RASAL2: variants seen among roughly 807,000 people sequenced by gnomAD.
RASAL2 encodes RAS protein activator like 2, also known as ras GTPase-activating protein nGAP.
In RASAL2, 58 loss-of-function variants were observed where a neutral mutation model predicts 128.9. The observed-to-expected ratio is 0.45, with a 90% CI of 0.36 to 0.56. The LOEUF is 0.56. RASAL2 is among the 20% of genes least tolerant of loss of function. The pLI, the probability that RASAL2 is intolerant of heterozygous loss-of-function variation, is 0.00. For missense variants in RASAL2, 1,360 were observed against 1,601.6 expected (o/e 0.85, Z 2.57); for synonymous variants, 561 against 580.8 (o/e 0.97, Z 0.49).
At chr1:178,382,510 A>G (rs192982764) in intron 3 of RASAL2, among the ~76,000 whole-genome samples, 3 of 152,258 alleles carry the variant, frequency 2.0e-5, no homozygotes, top group East Asian at 3.9e-4. Context: ...CATGGAGAAC[A>G]GGATAGAATG....
At chr1:178,283,752 C>T in intron 2 of RASAL2, 61 bp downstream of exon 2, 1 of 1,585,862 alleles carries the variant, frequency 6.3e-7, no homozygotes. Context: ...CTGAAATTAC[C>T]TAGTTTTTGT....
chr1:178,401,783 A>G (rs2102658435), intron 4 of RASAL2, among the ~76,000 whole-genome samples: 1 of 152,330 alleles, frequency 6.6e-6, no homozygotes, highest in East Asian at 1.9e-4. Flanking sequence ...GCAGTCAGTG[A>G]GACTGTTACT....
At chr1:178,432,522 A>ATG (rs1339420829) in intron 5 of RASAL2, among the ~76,000 whole-genome samples, 1 of 152,054 alleles carries the variant, frequency 6.6e-6, no homozygotes, top group Non-Finnish European at 1.5e-5. Context: ...CTCAATATGT[A>ATG]TGTTCTGTTT....
At chr1:178,114,318 T>A (rs1218501374) in intron 1 of RASAL2, among the ~76,000 whole-genome samples, 1 of 152,140 alleles carries the variant, frequency 6.6e-6, no homozygotes, top group Non-Finnish European at 1.5e-5. Context: ...GCCTTAGGTT[T>A]TTTTGTTGTT....
intron 3 of RASAL2, among the ~76,000 whole-genome samples, chr1:178,328,163 A>G (rs768597828): frequency 1.2e-4 from 19 of 152,214 alleles, no homozygotes; most frequent in Non-Finnish European, 2.1e-4. Flanking sequence ...TTTCTGCTAT[A>G]CAGACTATCT....
chr1:178,351,932 G>A (rs546779377), intron 3 of RASAL2, among the ~76,000 whole-genome samples: 2 of 152,192 alleles, frequency 1.3e-5, no homozygotes, highest in Non-Finnish European at 2.9e-5. Context: ...TACTCTTTGA[G>A]GCTGAAGCAA....
At chr1:178,422,877 GT>G (rs1317463543) in intron 5 of RASAL2, among the ~76,000 whole-genome samples, 2 of 151,808 alleles carry the variant, frequency 1.3e-5, no homozygotes, top group African/African-American at 4.8e-5. Flanking sequence ...ATTTGTCTTT[GT>G]TTTGGAGGGG....
chr1:178,105,006 G>A (rs1412921293), intron 1 of RASAL2, among the ~76,000 whole-genome samples: 2 of 152,172 alleles, frequency 1.3e-5, no homozygotes, highest in African/African-American at 4.8e-5. Context: ...GCTAGAAGGA[G>A]TTGACATTCA....
chr1:178,310,952 A>T (rs1668217124), intron 3 of RASAL2, among the ~76,000 whole-genome samples: 1 of 152,150 alleles, frequency 6.6e-6, no homozygotes, highest in Non-Finnish European at 1.5e-5. Flanking sequence ...ATGGGTGCCC[A>T]AGAAGACCAG....
intron 1 of RASAL2, among the ~76,000 whole-genome samples, chr1:178,265,177 A>T (rs1373021493): frequency 1.6e-4 from 25 of 152,214 alleles, no homozygotes; most frequent in Non-Finnish European, 2.9e-5. Context: ...TAGTGTTTTC[A>T]TATAACTCAC....
intron 1 of RASAL2, among the ~76,000 whole-genome samples, chr1:178,139,184 A>G (rs1048047947): frequency 1.6e-4 from 25 of 152,130 alleles, no homozygotes; most frequent in East Asian, 9.7e-4. Flanking sequence ...AAAAATATCT[A>G]GTGGATCTCA....
intron 1 of RASAL2, among the ~76,000 whole-genome samples, chr1:178,191,305 T>G (rs753336496): frequency 5.3e-5 from 8 of 151,876 alleles, no homozygotes; most frequent in Non-Finnish European, 1.0e-4. Context: ...CAGTATGTTG[T>G]GAGCCAATAA....
rs760229700 is a variant in RASAL2, at chr1:178,344,309, A to G, written c.457+44191A>G. ...TTCTTTGCTGTTGCAATTTCTTTCT[A>G]CCTCTTGGGCATAATTCTATGTTAT... On this transcript the variant is annotated intron_variant, in intron 3 of 17. Transcript: ENST00000367649. 3.0e-4 allele frequency among the ~76,000 whole-genome samples: 46 copies of G among 152,292 alleles called. 2 individuals carry two copies. The highest frequency in any genetic ancestry group is 6.0e-4 in the Non-Finnish European group (41 of 68,010).
chr1:178,439,214 G>A (rs1369243976), intron 5 of RASAL2, among the ~76,000 whole-genome samples: 1 of 151,970 alleles, frequency 6.6e-6, no homozygotes, highest in Non-Finnish European at 1.5e-5. Context: ...AAAAAAGTGT[G>A]TGTGCACTCA....
chr1:178,473,177 C>G lies in RASAL2; in HGVS notation c.3781C>G (p.Pro1261Ala), dbSNP rs1648436099. The change falls in exon 18 of 18, where the codon CCC (proline) becomes GCC (alanine). Residue 1261 changes from proline (P) to alanine (A), a missense_variant. By Grantham distance (27) the Pro-to-Ala change is conservative. Coordinates refer to ENST00000367649, the MANE Select transcript of RASAL2 (RefSeq NM_170692.4). ...YSMQVRNGIS[P>A]TNPTKLSITE... ...CATGCAGGTCCGCAATGGCATCTCC[C>G]CCACCAACCCCACCAAGCTTTCCAT... 5 of 1,614,086 alleles carry G rather than the reference C, an allele frequency of 3.1e-6. No individual in the cohort carries two copies. The African/African-American group carries it at 5.3e-5, about 17-fold the overall frequency.
intron 1 of RASAL2, among the ~76,000 whole-genome samples, chr1:178,137,365 C>T (rs944880320): frequency 2.6e-5 from 4 of 152,138 alleles, no homozygotes; most frequent in African/African-American, 9.7e-5. Context: ...TTATATTTTC[C>T]TCTGTCCTCT....
chr1:178,335,210 C>G (rs776831781), intron 3 of RASAL2, among the ~76,000 whole-genome samples: 4 of 151,240 alleles, frequency 2.6e-5, no homozygotes, highest in Non-Finnish European at 4.4e-5. Context: ...ATAATCAGGA[C>G]CATAATTTTC....
chr1:178,430,805 A>C (rs1195542222), intron 5 of RASAL2, among the ~76,000 whole-genome samples: 1 of 151,834 alleles, frequency 6.6e-6, no homozygotes, highest in African/African-American at 2.4e-5. Flanking sequence ...TTTTGGCTTC[A>C]GTTTGAGTGT....
intron 3 of RASAL2, among the ~76,000 whole-genome samples, chr1:178,385,042 C>T (rs1326795908): frequency 2.0e-5 from 3 of 152,158 alleles, no homozygotes; most frequent in East Asian, 1.9e-4. Flanking sequence ...AAGATATTTT[C>T]GGAGTCTTTT....
Sources: gnomAD v4.1 joint callset for allele counts (sites outside exome capture counted in the v4.1 genomes callset) on GRCh38, gnomAD v4.1.1 for gene constraint, MANE v1.5 for transcripts, NCBI Gene and HGNC (gene_info 2026-07-23, HGNC 2026-07-21) for gene names.